Variants in HEG1 observed in about 807,000 individuals in gnomAD.
The protein encoded by HEG1 is protein HEG homolog 1.
In HEG1, 56 loss-of-function variants were observed where a neutral mutation model predicts 125.6. The observed-to-expected ratio is 0.45, with a 90% CI of 0.36 to 0.56. The LOEUF (loss-of-function observed/expected upper bound fraction) is 0.56. Among genes scored for constraint, HEG1 ranks in the 20% least tolerant of loss-of-function variants. The probability of loss-of-function intolerance (pLI) is 0.00; values close to 1 mark genes in which losing one functional copy is unlikely to be tolerated. For missense variants in HEG1, 1,523 were observed against 1,670.0 expected (o/e 0.91, Z 1.53); for synonymous variants, 644 against 668.5 (o/e 0.96, Z 0.57).
At chr3:125,016,437 G>A (rs1392041673) in intron 5 of HEG1, among the ~76,000 whole-genome samples, 2 of 152,300 alleles carry the variant, frequency 1.3e-5, no homozygotes, top group East Asian at 1.9e-4. Context: ...AACCAACTGA[G>A]CATTAATTGC....
At chr3:125,006,973 G>A (rs1207056974) in intron 8 of HEG1, among the ~76,000 whole-genome samples, 1 of 152,022 alleles carries the variant, frequency 6.6e-6, no homozygotes, top group African/African-American at 2.4e-5. Context: ...GCCGAGGCGG[G>A]CGGATCACGA....
chr3:124,991,982 G>A (rs1300206209), intron 12 of HEG1, among the ~76,000 whole-genome samples: 3 of 152,110 alleles, frequency 2.0e-5, no homozygotes, highest in African/African-American at 2.4e-5. Flanking sequence ...GTCCCCTGGG[G>A]AAACTCCTTC....
At chr3:124,990,706 G>C (rs1936818618) in intron 14 of HEG1, 81 bp downstream of exon 14, 1 of 1,324,484 alleles carries the variant, frequency 7.6e-7, no homozygotes, top group East Asian at 2.5e-5. Flanking sequence ...ACTGAGGGAA[G>C]TGGGAGGAGA....
chr3:124,994,758 C>T (rs1335473528), intron 12 of HEG1, among the ~76,000 whole-genome samples: 1 of 152,232 alleles, frequency 6.6e-6, no homozygotes, highest in Admixed American at 6.5e-5. Flanking sequence ...CCCGCCTCAG[C>T]CTCCCAAAGT....
At chr3:125,003,313 A>G (rs1486859609) in intron 9 of HEG1, among the ~76,000 whole-genome samples, 1 of 152,196 alleles carries the variant, frequency 6.6e-6, no homozygotes, top group African/African-American at 2.4e-5. Context: ...TAAGTCACTG[A>G]GCGCCACGTA....
chr3:124,991,430 C>A (rs1350178154), intron 12 of HEG1, among the ~76,000 whole-genome samples: 1 of 152,120 alleles, frequency 6.6e-6, no homozygotes, highest in Admixed American at 6.5e-5. Context: ...GGATTACAGG[C>A]ATGATTCGCC....
At chr3:124,987,502 A>G (rs1448483953) in intron 14 of HEG1, among the ~76,000 whole-genome samples, 11 of 149,750 alleles carry the variant, frequency 7.3e-5, no homozygotes, top group Non-Finnish European at 1.3e-4. Context: ...CCTGCTGCTA[A>G]GCCTCTCTGT....
chr3:125,054,578 T>C (rs1205757281), intron 1 of HEG1, among the ~76,000 whole-genome samples: 1 of 152,236 alleles, frequency 6.6e-6, no homozygotes, highest in East Asian at 1.9e-4. Flanking sequence ...TCCAAATCAA[T>C]GTCCAGTGTT....
At chr3:125,048,968 G>A (rs761086688) in intron 1 of HEG1, among the ~76,000 whole-genome samples, 13 of 152,200 alleles carry the variant, frequency 8.5e-5, no homozygotes, top group Non-Finnish European at 1.6e-4. Flanking sequence ...CTGCCGACAT[G>A]GGAAGAGGCA....
At chr3:124,997,622 A>G in intron 12 of HEG1, 67 bp downstream of exon 12, 1 of 1,451,104 alleles carries the variant, frequency 6.9e-7, no homozygotes, top group African/African-American at 1.4e-5. Flanking sequence ...GAGAGCAAGA[A>G]AGAGAAACAG....
intron 1 of HEG1, among the ~76,000 whole-genome samples, chr3:125,050,722 G>A (rs1257156039): frequency 6.6e-6 from 1 of 152,144 alleles, no homozygotes; most frequent in Non-Finnish European, 1.5e-5. Context: ...TCACAGACAG[G>A]CACTGCAACC....
chr3:124,997,946 G>T, intron 11 of HEG1, 123 bp from the exon 12 acceptor site: 1 of 1,181,542 alleles, frequency 8.5e-7, no homozygotes, highest in Non-Finnish European at 1.1e-6. Context: ...GCTGAGAACA[G>T]TTTTCCGAAA....
In HEG1 at chr3:125,001,904, C is replaced by T. The variant is rs377293320; in HGVS notation, c.3465G>A (p.Lys1155=). 358 of 1,613,842 alleles carry T rather than the reference C, an allele frequency of 2.2e-4. No individual in the cohort carries two copies. Among genetic ancestry groups the T allele is most frequent in the Non-Finnish European group, 2.9e-4 (339 of 1,179,858 alleles). The part of the protein sequence containing the change: ...DRMQKCVNSC[K]SSAEVCQLLG... ...AGAGCTGGCAGACCTCAGCAGAGGA[C>T]TTGCAGGAGTTGACACATTTCTGCA... Residue 1155 remains lysine, a synonymous_variant, in exon 11 of 17, where the codon AAG becomes AAA. Coordinates refer to ENST00000311127, the MANE Select transcript of HEG1 (RefSeq NM_020733.2).
intron 1 of HEG1, among the ~76,000 whole-genome samples, chr3:125,043,724 C>T (rs1206868014): frequency 1.3e-5 from 2 of 152,168 alleles, no homozygotes; most frequent in East Asian, 1.9e-4. Flanking sequence ...CGGGGTGGTG[C>T]GGGCCTTCCG....
intron 14 of HEG1, among the ~76,000 whole-genome samples, chr3:124,987,375 C>T (rs2107690589): frequency 7.7e-6 from 1 of 130,486 alleles, no homozygotes; most frequent in Middle Eastern, 4.7e-3. Flanking sequence ...AACAGGGTGG[C>T]CACACCTCCA....
intron 9 of HEG1, among the ~76,000 whole-genome samples, chr3:125,002,814 T>C (rs1395616378): frequency 6.6e-6 from 1 of 152,192 alleles, no homozygotes; most frequent in Non-Finnish European, 1.5e-5. Context: ...ATTATGTGGG[T>C]CAAGAGCCCC....
At chr3:125,007,198 CAAAAAAA>C (rs1212172102) in intron 8 of HEG1, among the ~76,000 whole-genome samples, 3,638 of 54,692 alleles carry the variant, frequency 0.067, 74 homozygotes, top group Middle Eastern at 0.098. Context: ...GACTCCGTCT[CAAAAAAA>C]AAAAAAAAAA....
rs781173052 is a variant in HEG1, at chr3:124,970,661, G to A, written c.4137C>T (p.Asp1379=). 6.2e-6 allele frequency: 10 copies of A among 1,600,412 alleles called. No individual in the cohort carries two copies. The South Asian group carries it at 9.1e-5, about 15-fold the overall frequency. The change falls in exon 17 of 17, where the codon GAC becomes GAT. Residue 1379 remains aspartate (D), a synonymous_variant. Transcript: ENST00000311127. ...CCTCTCTCTCCTGGACTTAAAAGTA[G>A]TCTCTTCTTCTGCTTTCATCACTGA... ...SFISDESRRR[D]YF
intron 3 of HEG1, among the ~76,000 whole-genome samples, chr3:125,022,313 T>C (rs1937346487): frequency 6.6e-6 from 1 of 152,068 alleles, no homozygotes; most frequent in Admixed American, 6.5e-5. Flanking sequence ...AAAAGGAAGT[T>C]GTCATTACAA....
Sources: gnomAD v4.1 joint callset for allele counts (sites outside exome capture counted in the v4.1 genomes callset) on GRCh38, gnomAD v4.1.1 for gene constraint, MANE v1.5 for transcripts, NCBI Gene and HGNC (gene_info 2026-07-23, HGNC 2026-07-21) for gene names.